The following TRIM2 variants were observed in gnomAD, a reference collection of about 807,000 sequenced individuals.
TRIM2 encodes the protein tripartite motif-containing protein 2.
In TRIM2, 20 loss-of-function variants were observed where a neutral mutation model predicts 75.2. The observed-to-expected ratio is 0.27, with a 90% CI of 0.19 to 0.39. The LOEUF (loss-of-function observed/expected upper bound fraction) is 0.39. Among genes scored for constraint, TRIM2 ranks in the 10% least tolerant of loss-of-function variants. The pLI is 1.00. For missense variants in TRIM2, 660 were observed against 990.8 expected (o/e 0.67, Z 4.48); for synonymous variants, 373 against 388.3 (o/e 0.96, Z 0.46).
intron 1 of TRIM2, among the ~76,000 whole-genome samples, chr4:153,244,319 CTCTTCTTCT>C (rs1311888983): frequency 4.7e-5 from 1 of 21,136 alleles, no homozygotes; most frequent in Non-Finnish European, 7.8e-5. Flanking sequence ...CCTCCTCCTC[CTCTTCTTCT>C]TCTTCTTCTT....
intron 11 of TRIM2, among the ~76,000 whole-genome samples, chr4:153,333,977 C>T (rs35535904): frequency 0.18 from 26,745 of 151,668 alleles, 2,586 homozygotes; most frequent in Middle Eastern, 0.22. Flanking sequence ...TCTTACAACC[C>T]ACTCTTTTCT....
chr4:153,312,093 T>G (rs1766496025), intron 6 of TRIM2, among the ~76,000 whole-genome samples: 1 of 116,114 alleles, frequency 8.6e-6, no homozygotes, highest in African/African-American at 3.2e-5. Context: ...GTCCCCAGAG[T>G]GTGATGTTCC....
At chr4:153,307,942 ACAGC>A in intron 6 of TRIM2, 1 of 755,272 alleles carries the variant, frequency 1.3e-6, no homozygotes. Flanking sequence ...ATGGAGTCGT[ACAGC>A]CGGTCAGCGA....
At chr4:153,163,684 T>C (rs1243394172) in intron 1 of TRIM2, among the ~76,000 whole-genome samples, 2 of 151,104 alleles carry the variant, frequency 1.3e-5, no homozygotes, top group Admixed American at 6.7e-5. Flanking sequence ...GTGTGTTTAG[T>C]AGAGACAGGG....
chr4:153,265,497 C>T (rs1754753404), intron 1 of TRIM2, among the ~76,000 whole-genome samples: 1 of 152,000 alleles, frequency 6.6e-6, no homozygotes, highest in African/African-American at 2.4e-5. Flanking sequence ...GCGCCTGCCG[C>T]CACGCCTGAC....
At chr4:153,249,590 A>G (rs1309271310) in intron 1 of TRIM2, among the ~76,000 whole-genome samples, 2 of 147,814 alleles carry the variant, frequency 1.4e-5, no homozygotes, top group Non-Finnish European at 3.0e-5. Flanking sequence ...CGCCTCGGCC[A>G]CCTCCCTGCT....
intron 1 of TRIM2, among the ~76,000 whole-genome samples, chr4:153,163,004 C>T (rs1329708833): frequency 6.6e-6 from 1 of 152,160 alleles, no homozygotes; most frequent in Non-Finnish European, 1.5e-5. Context: ...GGAATCCTAT[C>T]ATGTAAGACC....
rs1466747056 is a variant in TRIM2, at chr4:153,336,906, T to A, written c.*1940T>A. The A allele has an allele frequency of 2.0e-6, 2 of 984,980 alleles. No homozygotes were observed. The allele number at this position is 984,980 out of a possible 1,614,324, so 61.0% of individuals were successfully genotyped here. A position where few individuals can be genotyped will look rare whatever the true frequency, so the allele number is the denominator to read the frequency against. On this transcript the variant is annotated 3_prime_UTR_variant, in exon 12 of 12. Transcript: ENST00000338700. ...TAAAGCTATAAAATTCAATAACTTT[T>A]TAGAATGTTAAATGAAGACACTGTT...
chr4:153,315,531 A>G lies in TRIM2; in HGVS notation c.1557A>G (p.Val519=). 6.2e-7 allele frequency: 1 copy of G among 1,611,152 alleles called. No homozygotes were observed. The highest frequency in any genetic ancestry group is 1.7e-4 in the Middle Eastern group (1 of 6,030). Residue 519 remains valine, a synonymous_variant, in exon 7 of 12, where the codon GTA becomes GTG. Coordinates refer to ENST00000338700, the MANE Select transcript of TRIM2 (RefSeq NM_015271.5). ...GAGAGTTTACAAATCTTCAGGGGGT[A>G]GCTGCATCTACAAATGGAAAGATAT... ...NKGEFTNLQG[V]AASTNGKILI...
chr4:153,244,370 T>C lies in TRIM2; in HGVS notation c.31-25965T>C, dbSNP rs555821677. On this transcript the variant is annotated intron_variant, in intron 1 of 11. Coordinates refer to ENST00000338700, the MANE Select transcript of TRIM2 (RefSeq NM_015271.5). ...CTTCTTCTTCCTCTTCTTCTTCTTC[T>C]TCTTCTTCTTCTTCTTCTTCTTCTT... Among the ~76,000 whole-genome samples the C allele has an allele frequency of 5.6e-3, 275 of 48,826 alleles. 6 individuals are homozygous for C. Among genetic ancestry groups the C allele is most frequent in the East Asian group, 0.011 (25 of 2,198 alleles). 32.0% of individuals were successfully genotyped at this position (48,826 alleles called of 152,430 possible). A position where few individuals can be genotyped will look rare whatever the true frequency, so the allele number is the denominator to read the frequency against.
chr4:153,334,698 C>T, intron 11 of TRIM2, 116 bp from the exon 12 acceptor site: 2 of 1,001,256 alleles, frequency 2.0e-6, no homozygotes, highest in Admixed American at 2.6e-5. Flanking sequence ...AGAGTGAGAC[C>T]CTGTCAAAAA....
chr4:153,293,158 C>T, intron 4 of TRIM2, 25 bp downstream of exon 4: 1 of 1,587,362 alleles, frequency 6.3e-7, no homozygotes, highest in Non-Finnish European at 8.6e-7. Flanking sequence ...CCCAAACCCC[C>T]AACTGGCTGC....
intron 1 of TRIM2, among the ~76,000 whole-genome samples, chr4:153,235,056 A>G (rs1744664443): frequency 6.6e-6 from 1 of 152,082 alleles, no homozygotes; most frequent in African/African-American, 2.4e-5. Context: ...ATATGTCTTC[A>G]GGTTTCCTCT....
chr4:153,172,039 G>T (rs1358155332), intron 1 of TRIM2, among the ~76,000 whole-genome samples: 4 of 151,748 alleles, frequency 2.6e-5, no homozygotes, highest in African/African-American at 9.7e-5. Context: ...GTGTCTTTCT[G>T]CAGTTAGTTT....
chr4:153,280,384 C>CTTTTCTT (rs781675644), intron 3 of TRIM2, among the ~76,000 whole-genome samples: 4 of 116,988 alleles, frequency 3.4e-5, no homozygotes, highest in Non-Finnish European at 5.0e-5. Context: ...CAGCAAATTC[C>CTTTTCTT]TTTTTTTTTT....
At chr4:153,329,430 C>A (rs111419198) in intron 11 of TRIM2, among the ~76,000 whole-genome samples, 2 of 151,690 alleles carry the variant, frequency 1.3e-5, no homozygotes, top group Admixed American at 6.6e-5. Context: ...GAAATTAATA[C>A]GCTAAATGCT....
At chr4:153,240,219 A>C (rs1746198055) in intron 1 of TRIM2, among the ~76,000 whole-genome samples, 2 of 152,226 alleles carry the variant, frequency 1.3e-5, no homozygotes, top group African/African-American at 4.8e-5. Flanking sequence ...TACTTGGTTT[A>C]AATACAAAAG....
chr4:153,312,692 C>T (rs1446772207), intron 6 of TRIM2, among the ~76,000 whole-genome samples: 1 of 152,074 alleles, frequency 6.6e-6, no homozygotes. Flanking sequence ...TTCGACCCAG[C>T]CATCCCATTA....
chr4:153,338,667 T>G lies in TRIM2; in HGVS notation c.*3701T>G. ...AATGACAGTAAGCTACAAATCATGATGCTTAAAAACTTTCTAAAGATGAAT... is the reference window on the plus strand; with the variant it reads ...AATGACAGTAAGCTACAAATCATGAGGCTTAAAAACTTTCTAAAGATGAAT... On this transcript the variant is annotated 3_prime_UTR_variant, in exon 12 of 12. Transcript: ENST00000338700. The G allele has an allele frequency of 1.0e-6, 1 of 985,708 alleles. No individual in the cohort carries two copies. Among genetic ancestry groups the G allele is most frequent in the East Asian group, 1.1e-4 (1 of 8,836 alleles). The allele number at this position is 985,708 out of a possible 1,614,324, so 61.1% of individuals were successfully genotyped here.
Sources: gnomAD v4.1 joint callset for allele counts (sites outside exome capture counted in the v4.1 genomes callset) on GRCh38, gnomAD v4.1.1 for gene constraint, MANE v1.5 for transcripts, NCBI Gene and HGNC (gene_info 2026-07-23, HGNC 2026-07-21) for gene names.